The following ZBTB20 variants were observed in gnomAD, a reference collection of about 807,000 sequenced individuals.
ZBTB20 encodes zinc finger and BTB domain containing 20, also known as zinc finger and BTB domain-containing protein 20.
ZBTB20 carries 9 observed loss-of-function variants against 56.9 expected under a neutral mutation model. The ratio of observed to expected loss-of-function variants is 0.16; its 90% CI spans 0.10 to 0.28. The LOEUF (loss-of-function observed/expected upper bound fraction) is 0.28. Among genes scored for constraint, ZBTB20 ranks in the 10% least tolerant of loss-of-function variants. ZBTB20 has a pLI of 1.00. For synonymous variants in ZBTB20, 417 were observed against 420.7 expected, an observed-to-expected ratio of 0.99 and a Z score of 0.11; for missense variants, 655 against 1,003.0, an observed-to-expected ratio of 0.65 and a Z score of 4.69.
chr3:115,001,083 C>T (rs1246806911), intron 2 of ZBTB20, among the ~76,000 whole-genome samples: 1 of 80,774 alleles, frequency 1.2e-5, no homozygotes, highest in Non-Finnish European at 2.6e-5. Context: ...GAATTTCCCA[C>T]AAATCAAAAA....
At chr3:115,117,177 A>T (rs1204111563) in intron 1 of ZBTB20, among the ~76,000 whole-genome samples, 1 of 152,178 alleles carries the variant, frequency 6.6e-6, no homozygotes, top group Non-Finnish European at 1.5e-5. Context: ...TAAGGTATGG[A>T]TAATCCAAAA....
intron 2 of ZBTB20, among the ~76,000 whole-genome samples, chr3:115,070,392 A>G (rs909896993): frequency 6.6e-5 from 10 of 152,162 alleles, no homozygotes; most frequent in African/African-American, 2.4e-4. Flanking sequence ...GGCATAAACA[A>G]ATTCAAAAAC....
chr3:114,776,954 G>A (rs1276050877), intron 5 of ZBTB20, among the ~76,000 whole-genome samples: 2 of 152,066 alleles, frequency 1.3e-5, no homozygotes, highest in African/African-American at 2.4e-5. Context: ...CAAATCTATA[G>A]TATTTTCCAT....
At chr3:115,132,412 T>C (rs956364183) in intron 1 of ZBTB20, among the ~76,000 whole-genome samples, 1 of 152,184 alleles carries the variant, frequency 6.6e-6, no homozygotes, top group Non-Finnish European at 1.5e-5. Flanking sequence ...CTCATTTTTC[T>C]AGATTTTAAA....
intron 8 of ZBTB20, among the ~76,000 whole-genome samples, chr3:114,382,858 C>A (rs1949618): frequency 0.067 from 10,190 of 152,196 alleles, 596 homozygotes; most frequent in African/African-American, 0.16. Flanking sequence ...TTTACATATT[C>A]ATTTTACAAA....
chr3:114,735,722 A>G (rs1298760928), intron 5 of ZBTB20, among the ~76,000 whole-genome samples: 1 of 152,180 alleles, frequency 6.6e-6, no homozygotes, highest in Non-Finnish European at 1.5e-5. Flanking sequence ...CTTGTTTATA[A>G]TAATTGTATA....
At chr3:114,584,318 G>T (rs575485833) in intron 6 of ZBTB20, among the ~76,000 whole-genome samples, 4 of 151,974 alleles carry the variant, frequency 2.6e-5, no homozygotes, top group African/African-American at 9.7e-5. Context: ...CAAAAATAGT[G>T]TATCATTTAT....
intron 5 of ZBTB20, among the ~76,000 whole-genome samples, chr3:114,720,185 A>T (rs941241276): frequency 6.7e-6 from 1 of 149,424 alleles, no homozygotes; most frequent in Admixed American, 6.7e-5. Context: ...TTTCTTATAC[A>T]TCTAGTACAT....
At chr3:114,797,435 C>T (rs10511338) in intron 5 of ZBTB20, among the ~76,000 whole-genome samples, 101,630 of 151,624 alleles carry the variant, frequency 0.67, 39,348 homozygotes, top group East Asian at 0.96. Context: ...ATTACTCCCT[C>T]TTCATAGGCT....
At chr3:115,113,427 A>G (rs988242193) in intron 1 of ZBTB20, among the ~76,000 whole-genome samples, 1 of 152,222 alleles carries the variant, frequency 6.6e-6, no homozygotes, top group African/African-American at 2.4e-5. Context: ...AAGCATTGGT[A>G]TAAGATCAAA....
chr3:114,499,913 T>C lies in ZBTB20; in HGVS notation c.-255+439A>G, dbSNP rs191113555. 2.0e-3 allele frequency among the ~76,000 whole-genome samples: 303 copies of C among 152,274 alleles called. 2 individuals carry two copies. The highest frequency in any genetic ancestry group is 6.4e-3 in the African/African-American group (267 of 41,542). ...TTCTTAGTAAAGGGATATTAGAAAT[T>C]TTGTCAATAAATGAAAGCTCTGATC... On this transcript the variant is annotated intron_variant, in intron 7 of 11. Transcript: ENST00000675478.
intron 6 of ZBTB20, among the ~76,000 whole-genome samples, chr3:114,548,248 C>A (rs2050134811): frequency 6.6e-6 from 1 of 152,130 alleles, no homozygotes. Context: ...AAAACTCACA[C>A]TTTTTTTGAA....
At chr3:114,572,976 T>A (rs2053598960) in intron 6 of ZBTB20, among the ~76,000 whole-genome samples, 1 of 152,226 alleles carries the variant, frequency 6.6e-6, no homozygotes, top group Non-Finnish European at 1.5e-5. Flanking sequence ...TATTTTCACT[T>A]GTTTCAATTA....
chr3:115,003,745 A>G (rs768454263), intron 2 of ZBTB20, among the ~76,000 whole-genome samples: 5 of 151,664 alleles, frequency 3.3e-5, no homozygotes, highest in Non-Finnish European at 7.4e-5. Flanking sequence ...GGTGACAGGC[A>G]TGTTTCATTT....
intron 7 of ZBTB20, among the ~76,000 whole-genome samples, chr3:114,458,693 A>C (rs895884484): frequency 6.6e-6 from 1 of 152,160 alleles, no homozygotes; most frequent in Non-Finnish European, 1.5e-5. Context: ...TCAGTGAATT[A>C]TTAACCCATT....
intron 4 of ZBTB20, among the ~76,000 whole-genome samples, chr3:114,816,198 A>C (rs149667330): frequency 8.3e-4 from 127 of 152,340 alleles, no homozygotes; most frequent in Middle Eastern, 3.4e-3. Flanking sequence ...CACTTTGGTT[A>C]ATACGGAAAT....
chr3:114,686,612 C>T (rs371535345), intron 6 of ZBTB20, among the ~76,000 whole-genome samples: 23 of 152,056 alleles, frequency 1.5e-4, no homozygotes, highest in African/African-American at 3.1e-4. Context: ...CACATATGCC[C>T]GTTTCTCTTT....
intron 8 of ZBTB20, among the ~76,000 whole-genome samples, chr3:114,385,244 T>C (rs566374282): frequency 6.6e-6 from 1 of 152,226 alleles, no homozygotes; most frequent in Non-Finnish European, 1.5e-5. Flanking sequence ...CCTACTCTTT[T>C]CCCCAACAAT....
chr3:114,348,811 C>T (rs2080403489), intron 11 of ZBTB20, among the ~76,000 whole-genome samples: 1 of 152,154 alleles, frequency 6.6e-6, no homozygotes, highest in African/African-American at 2.4e-5. Context: ...ACTAGCTGAT[C>T]TGAGAAACAA....
Sources: allele counts gnomAD v4.1 joint callset (sites outside exome capture counted in the v4.1 genomes callset), GRCh38; gene constraint gnomAD v4.1.1; transcripts MANE v1.5; gene names NCBI Gene and HGNC (gene_info 2026-07-23, HGNC 2026-07-21).